LZTFL1: variants seen among roughly 807,000 people sequenced by gnomAD.
LZTFL1 encodes leucine zipper transcription factor-like protein 1.
Under a neutral mutation model 45.9 loss-of-function variants are expected in LZTFL1, and 25 were observed. The observed-to-expected ratio is 0.54, with a 90% CI of 0.40 to 0.76. The LOEUF (loss-of-function observed/expected upper bound fraction) is 0.76. Ranked by LOEUF, LZTFL1 falls within the 30% of genes least tolerant of loss-of-function variation. LZTFL1 has a pLI of 0.00. For synonymous variants in LZTFL1, 93 were observed against 117.4 expected, an observed-to-expected ratio of 0.79 and a Z score of 1.35; for missense variants, 277 against 331.1, an observed-to-expected ratio of 0.84 and a Z score of 1.27.
chr3:45,894,008 G>A (rs1463437160), intron 2 of LZTFL1, among the ~76,000 whole-genome samples: 1 of 152,070 alleles, frequency 6.6e-6, no homozygotes, highest in Non-Finnish European at 1.5e-5. Flanking sequence ...TATTTTTTTC[G>A]AGAACCTTGG....
chr3:45,878,353 G>A (rs1425355165), intron 2 of LZTFL1, among the ~76,000 whole-genome samples: 3 of 152,096 alleles, frequency 2.0e-5, no homozygotes, highest in African/African-American at 7.2e-5. Flanking sequence ...CTATTTTCAT[G>A]TAGCTATTTT....
chr3:45,840,818 A>C (rs1701088788), intron 1 of LZTFL1, among the ~76,000 whole-genome samples: 1 of 152,242 alleles, frequency 6.6e-6, no homozygotes, highest in African/African-American at 2.4e-5. Flanking sequence ...TAAGATAAGT[A>C]CAAGGAGGAA....
At chr3:45,880,270 G>A (rs1038238045) in intron 2 of LZTFL1, among the ~76,000 whole-genome samples, 18 of 152,182 alleles carry the variant, frequency 1.2e-4, no homozygotes, top group Non-Finnish European at 2.6e-4. Context: ...TTGGGAGGCC[G>A]AGGTAGGCGG....
rs201241644 is a variant in LZTFL1 at position 45,901,162 on chromosome 3, T to G, written c.-215+11958A>C. 7.4e-6 allele frequency: 12 copies of G among 1,614,124 alleles called. No homozygotes were observed. Among genetic ancestry groups the G allele is most frequent in the Non-Finnish European group, 9.3e-6 (11 of 1,180,048 alleles). On this transcript the variant is annotated intron_variant, in intron 2 of 4. Transcript: ENST00000472635. The surrounding 1 kb of genome is among the most constrained non-coding windows in gnomAD (Gnocchi z 4.3). ...TTCATGTGCAAGGTGGTCAACAGCA[T>G]GTACAAGATGAACTTCTACAGCTGT...
rs1012610744 is a variant in LZTFL1, at chr3:45,900,408, G to A, written c.-215+12712C>T. ...AAAACTGAATAGATAGGAGAAGTACGATCACAGTCATATCACAGTTTGATA... is the reference window on the plus strand; with the variant it reads ...AAAACTGAATAGATAGGAGAAGTACAATCACAGTCATATCACAGTTTGATA... On this transcript the variant is annotated intron_variant, in intron 2 of 4. Transcript: ENST00000472635. The surrounding 1 kb of genome is among the most constrained non-coding windows in gnomAD (Gnocchi z 4.7). 3.3e-5 allele frequency among the ~76,000 whole-genome samples: 5 copies of A among 152,240 alleles called. No homozygotes were observed. The highest frequency in any genetic ancestry group is 1.9e-4 in the East Asian group (1 of 5,188).
intron 2 of LZTFL1, among the ~76,000 whole-genome samples, chr3:45,883,311 G>T (rs1188838357): frequency 6.6e-6 from 1 of 152,212 alleles, no homozygotes; most frequent in East Asian, 1.9e-4. Flanking sequence ...TAGTAATAAA[G>T]CTGGATTCTC....
chr3:45,898,889 C>T (rs1295975115), intron 2 of LZTFL1, among the ~76,000 whole-genome samples: 11 of 152,316 alleles, frequency 7.2e-5, no homozygotes, highest in South Asian at 2.1e-4. Flanking sequence ...AGTTCTGGGC[C>T]GGGCATGGTG....
At chr3:45,852,562 T>C (rs1377468438) in intron 4 of LZTFL1, among the ~76,000 whole-genome samples, 2 of 152,010 alleles carry the variant, frequency 1.3e-5, no homozygotes, top group Admixed American at 6.6e-5. Flanking sequence ...AGAAAAAAAG[T>C]CAAGTTGGAG....
Position 45,834,289 on chromosome 3 carries a change from TA to T in LZTFL1, c.332del (p.Leu111Ter). On this transcript the variant is annotated frameshift_variant, in exon 4 of 10. Transcript: ENST00000296135. LOFTEE classifies it high-confidence loss of function. ...DISELENREL[L>X]EQVAEFEKAE... ...CTTTTTCAAATTCTGCAACTTGTTC[TA>T]ATAATTCTCTTGAAGAAGAAAGCAA... 2 of 1,584,384 alleles carry T rather than the reference TA, an allele frequency of 1.3e-6. No homozygotes were observed. Among genetic ancestry groups the T allele is most frequent in the Non-Finnish European group, 1.7e-6 (2 of 1,155,824 alleles).
intron 2 of LZTFL1, among the ~76,000 whole-genome samples, chr3:45,892,989 T>C (rs764474971): frequency 1.3e-5 from 2 of 152,186 alleles, no homozygotes; most frequent in Non-Finnish European, 2.9e-5. Context: ...GGTCCAATTA[T>C]AATAAACTGC....
intron 2 of LZTFL1, among the ~76,000 whole-genome samples, chr3:45,904,125 T>G (rs1418401175): frequency 6.6e-6 from 1 of 152,230 alleles, no homozygotes; most frequent in African/African-American, 2.4e-5. Context: ...TGTGTGGACC[T>G]GTTCTGGTAC....
Position 45,833,070 on chromosome 3 carries a change from T to C in LZTFL1, c.436A>G (p.Thr146Ala). ...ATTACCTTGTTTAGGAGTTCTGCTG[T>C]TCCACCTTCATTAAGTGGAGCAAGT... ...PKLAPLNEGG[T>A]AELLNKEILR... Residue 146 changes from threonine to alanine, a missense_variant, in exon 5 of 10, where the codon ACA becomes GCA. Physicochemically the swap from Thr to Ala is moderately conservative, Grantham distance 58. Transcript: ENST00000296135. The C allele has an allele frequency of 6.2e-7, 1 of 1,613,484 alleles. No homozygotes were observed. The highest frequency in any genetic ancestry group is 1.1e-5 in the South Asian group (1 of 91,064).
intron 2 of LZTFL1, among the ~76,000 whole-genome samples, chr3:45,868,685 C>T (rs1701618266): frequency 6.6e-6 from 1 of 152,172 alleles, no homozygotes; most frequent in Non-Finnish European, 1.5e-5. Flanking sequence ...CTCTCTGATT[C>T]CAAAGCAAGT....
chr3:45,856,576 A>G (rs1241406905), intron 3 of LZTFL1, among the ~76,000 whole-genome samples: 4 of 152,212 alleles, frequency 2.6e-5, no homozygotes, highest in Non-Finnish European at 4.4e-5. Flanking sequence ...AAAAGAAACT[A>G]TCATCAGAGT....
At chr3:45,866,965 T>C (rs113933784) in intron 2 of LZTFL1, among the ~76,000 whole-genome samples, 2,110 of 151,994 alleles carry the variant, frequency 0.014, 50 homozygotes, top group African/African-American at 0.048. Flanking sequence ...CTGGGCAACA[T>C]AGTGAAACCC....
chr3:45,886,274 A>C (rs1701978105), intron 2 of LZTFL1, among the ~76,000 whole-genome samples: 1 of 152,078 alleles, frequency 6.6e-6, no homozygotes, highest in African/African-American at 2.4e-5. Context: ...GGATCCTCCA[A>C]TTTCCCCATT....
chr3:45,872,792 G>A (rs1020599157), intron 2 of LZTFL1, among the ~76,000 whole-genome samples: 2 of 152,178 alleles, frequency 1.3e-5, no homozygotes, highest in Non-Finnish European at 2.9e-5. Flanking sequence ...AGGCTGATGG[G>A]GGAGGGGATT....
At chr3:45,843,213 C>T (rs1701159955), upstream of LZTFL1, among the ~76,000 whole-genome samples, 1 of 152,234 alleles carries the variant, frequency 6.6e-6, no homozygotes, top group African/African-American at 2.4e-5. Context: ...AATATTAACC[C>T]CTTCCAAGCT....
At chr3:45,885,050 T>C (rs1701944215) in intron 2 of LZTFL1, among the ~76,000 whole-genome samples, 1 of 152,208 alleles carries the variant, frequency 6.6e-6, no homozygotes, top group African/African-American at 2.4e-5. Context: ...GTGCATGCCC[T>C]CTACCTTTCA....
Sources: gnomAD v4.1 joint callset for allele counts (sites outside exome capture counted in the v4.1 genomes callset) on GRCh38, gnomAD v4.1.1 for gene constraint, Gnocchi (gnomAD v3.1) non-coding constraint, MANE v1.5 for transcripts, NCBI Gene and HGNC (gene_info 2026-07-23, HGNC 2026-07-21) for gene names.